Variants in PRR16 observed in about 807,000 individuals in gnomAD.
PRR16 encodes protein Largen.
In PRR16, 6 loss-of-function variants were observed where a neutral mutation model predicts 18.2. That is an observed-to-expected ratio of 0.33 (90% CI 0.18 to 0.65). The LOEUF (loss-of-function observed/expected upper bound fraction) is 0.65. Among genes scored for constraint, PRR16 ranks in the 30% least tolerant of loss-of-function variants. The probability of loss-of-function intolerance (pLI) is 0.74; values close to 1 mark genes in which losing one functional copy is unlikely to be tolerated. For synonymous variants in PRR16, 151 were observed against 147.8 expected (o/e 1.02, Z -0.16); for missense variants, 412 against 376.6 (o/e 1.09, Z -0.78).
chr5:120,731,332 C>T, the PRR16 span, among the ~76,000 whole-genome samples: 2 of 152,108 alleles, frequency 1.3e-5, no homozygotes, highest in Non-Finnish European at 2.9e-5. Context: ...ATAGGAGAAG[C>T]CTTGCATATA....
chr5:120,534,339 T>C (rs1449055026), intron 1 of PRR16, among the ~76,000 whole-genome samples: 2 of 152,128 alleles, frequency 1.3e-5, no homozygotes, highest in Non-Finnish European at 2.9e-5. Flanking sequence ...TTAAAAGATA[T>C]TATATTTTTC....
intron 1 of PRR16, among the ~76,000 whole-genome samples, chr5:120,495,949 T>A (rs2112835056): frequency 6.6e-6 from 1 of 152,154 alleles, no homozygotes; most frequent in African/African-American, 2.4e-5. Context: ...AGCTGTAGTT[T>A]TTTTTTGTAG....
the PRR16 span, among the ~76,000 whole-genome samples, chr5:120,786,977 T>C: frequency 2.0e-5 from 3 of 152,062 alleles, no homozygotes; most frequent in Non-Finnish European, 4.4e-5. Context: ...AAAAAGTGAG[T>C]AAAACTTATA....
chr5:120,593,593 A>G (rs1348147844), intron 1 of PRR16, among the ~76,000 whole-genome samples: 7 of 152,100 alleles, frequency 4.6e-5, no homozygotes, highest in Non-Finnish European at 1.0e-4. Context: ...AGCTGATACC[A>G]TTCCTACTGA....
intron 1 of PRR16, among the ~76,000 whole-genome samples, chr5:120,546,769 G>A (rs79875082): frequency 0.049 from 7,488 of 152,046 alleles, 236 homozygotes; most frequent in East Asian, 0.1. Flanking sequence ...CTGGGACTTA[G>A]CCTGGAAGGG....
chr5:120,739,689 C>T, the PRR16 span, among the ~76,000 whole-genome samples: 3 of 152,212 alleles, frequency 2.0e-5, no homozygotes, highest in East Asian at 3.9e-4. Flanking sequence ...AATGTTTTGG[C>T]TATAGAAGTT....
intron 1 of PRR16, among the ~76,000 whole-genome samples, chr5:120,520,474 G>A (rs1751137643): frequency 6.6e-6 from 1 of 152,190 alleles, no homozygotes; most frequent in Admixed American, 6.5e-5. Flanking sequence ...GAATAAGAAG[G>A]AAGCAAGACA....
the PRR16 span, among the ~76,000 whole-genome samples, chr5:120,694,406 C>T: frequency 6.6e-6 from 1 of 152,110 alleles, no homozygotes; most frequent in Non-Finnish European, 1.5e-5. Context: ...GAATTCTGGC[C>T]GGGCGCGGTG....
At chr5:120,502,361 TTTATATA>T (rs1304239165) in intron 1 of PRR16, among the ~76,000 whole-genome samples, 1 of 135,282 alleles carries the variant, frequency 7.4e-6, no homozygotes, top group East Asian at 1.9e-4. Flanking sequence ...CCATATATAT[TTTATATA>T]TTATATATAT....
intron 1 of PRR16, among the ~76,000 whole-genome samples, chr5:120,540,133 T>A (rs184677094): frequency 3.7e-3 from 567 of 152,258 alleles, no homozygotes; most frequent in Middle Eastern, 0.01. Context: ...AGTAACAGTG[T>A]TTTGTTTTAT....
At chr5:120,491,293 T>G (rs552608310) in intron 1 of PRR16, among the ~76,000 whole-genome samples, 2 of 152,248 alleles carry the variant, frequency 1.3e-5, no homozygotes, top group South Asian at 4.1e-4. Flanking sequence ...TGAGATTAAT[T>G]TTCTGGGAAA....
At chr5:120,687,321 T>C (rs746258096), downstream of PRR16, 5 of 152,170 alleles carry the variant, frequency 3.3e-5, no homozygotes, top group Admixed American at 1.3e-4. Flanking sequence ...CAAATGTTCC[T>C]CAGAATTAAA....
chr5:120,686,660 C>A lies in PRR16; in HGVS notation c.866C>A (p.Pro289Gln). The change falls in exon 2 of 2, where the codon CCA becomes CAA. Residue 289 changes from proline (P) to glutamine (Q), a missense_variant. Physicochemically the swap from Pro to Gln is moderately conservative, Grantham distance 76. Coordinates refer to ENST00000407149, the MANE Select transcript of PRR16 (RefSeq NM_001300783.2). ...RPATVPPPTA[P>Q]KPQKTILRKS... ...GCAACTGTGCCTCCTCCCACTGCAC[C>A]AAAACCACAGAAGACGATCTTGAGG... 1 of 1,581,890 alleles carries A rather than the reference C, an allele frequency of 6.3e-7. No homozygotes were observed. Among genetic ancestry groups the A allele is most frequent in the South Asian group, 1.2e-5 (1 of 86,412 alleles).
chr5:120,634,276 A>G (rs1354561840), intron 1 of PRR16, among the ~76,000 whole-genome samples: 2 of 152,206 alleles, frequency 1.3e-5, no homozygotes, highest in African/African-American at 4.8e-5. Context: ...GAATGATAGT[A>G]GTGACAAAAC....
intron 1 of PRR16, among the ~76,000 whole-genome samples, chr5:120,514,437 G>T (rs1484748828): frequency 1.3e-5 from 2 of 152,118 alleles, no homozygotes; most frequent in African/African-American, 2.4e-5. Flanking sequence ...GAGTTCTCTA[G>T]ATCTTTCCAT....
chr5:120,503,531 A>G (rs1175724978), intron 1 of PRR16, among the ~76,000 whole-genome samples: 1 of 152,166 alleles, frequency 6.6e-6, no homozygotes, highest in African/African-American at 2.4e-5. Context: ...AGAGAGAGCA[A>G]TGAGATTCAG....
chr5:120,573,897 ATG>A (rs890224145), intron 1 of PRR16, among the ~76,000 whole-genome samples: 3 of 72,168 alleles, frequency 4.2e-5, no homozygotes, highest in African/African-American at 1.0e-4. Flanking sequence ...TTTGTATGAT[ATG>A]TGTGTATATA....
At chr5:120,501,955 CAAAAAAAAAA>C (rs548770948) in intron 1 of PRR16, among the ~76,000 whole-genome samples, 2 of 44,078 alleles carry the variant, frequency 4.5e-5, no homozygotes, top group East Asian at 2.6e-3. Flanking sequence ...TACTCCGTCT[CAAAAAAAAAA>C]AAAAAAAAAA....
intron 1 of PRR16, among the ~76,000 whole-genome samples, chr5:120,610,089 C>A (rs1466637884): frequency 6.6e-6 from 1 of 152,142 alleles, no homozygotes; most frequent in Non-Finnish European, 1.5e-5. Context: ...GAGGCAGGTG[C>A]AAAAGCATTT....
Sources: allele counts gnomAD v4.1 joint callset (sites outside exome capture counted in the v4.1 genomes callset), GRCh38; gene constraint gnomAD v4.1.1; transcripts MANE v1.5; gene names NCBI Gene and HGNC (gene_info 2026-07-23, HGNC 2026-07-21).